TF: variants seen among roughly 807,000 people sequenced by gnomAD.
TF encodes serotransferrin.
TF carries 55 observed loss-of-function variants against 82.4 expected under a neutral mutation model. That is an observed-to-expected ratio of 0.67 (90% CI 0.54 to 0.84). The LOEUF (loss-of-function observed/expected upper bound fraction) is 0.84, where lower values mean the gene tolerates loss of function less well. Ranked by LOEUF, TF falls within the 40% of genes least tolerant of loss-of-function variation. TF has a pLI of 0.00. For missense variants in TF, 737 were observed against 868.4 expected, an observed-to-expected ratio of 0.85 and a Z score of 1.90; for synonymous variants, 332 against 332.6, an observed-to-expected ratio of 1.00 and a Z score of 0.02.
chr3:133,768,025 A>G lies in TF; in HGVS notation c.1487-4A>G, dbSNP rs748183805. ...AGCTGACTTCCTCTTGTCCTTCTGC[A>G]CAGATGAATTTTTCAGTGAAGGTTG... On this transcript the variant is annotated splice_region_variant and splice_polypyrimidine_tract_variant and intron_variant, in intron 12 of 16. Transcript: ENST00000402696. 1.2e-6 allele frequency: 2 copies of G among 1,614,110 alleles called. No individual in the cohort carries two copies. The highest frequency in any genetic ancestry group is 1.7e-6 in the Non-Finnish European group (2 of 1,179,974).
At chr3:133,688,276 A>G in the TF span, 1 of 152,948 alleles carries the variant, frequency 6.5e-6, no homozygotes, top group South Asian at 2.1e-4. Flanking sequence ...AGTTTCCGAG[A>G]CAATATGAAA....
chr3:133,725,867 G>C, the TF span, among the ~76,000 whole-genome samples: 2 of 152,122 alleles, frequency 1.3e-5, no homozygotes, highest in Non-Finnish European at 2.9e-5. Flanking sequence ...TTAGCATGAA[G>C]GGTTGTTGAA....
chr3:133,730,102 A>G, the TF span, among the ~76,000 whole-genome samples: 49 of 152,278 alleles, frequency 3.2e-4, no homozygotes, highest in African/African-American at 1.1e-3. Flanking sequence ...CAAGTTCCTC[A>G]TCTACCCAGT....
chr3:133,770,926 A>G lies in TF; in HGVS notation c.1687+354A>G, dbSNP rs1934243939. The G allele has an allele frequency of 1.5e-5, 5 of 343,372 alleles. No individual in the cohort carries two copies. In the South Asian group the frequency reaches 1.7e-4, roughly 12 times the overall value. The allele number at this position is 343,372 out of a possible 1,614,324, so 21.3% of individuals were successfully genotyped here. A position where few individuals can be genotyped will look rare whatever the true frequency, so the allele number is the denominator to read the frequency against. On this transcript the variant is annotated intron_variant, in intron 14 of 16. Transcript: ENST00000402696. The stretch of plus-strand genomic sequence containing the variant: ...GGATCTTTTACATTATGTGGATTTA[A>G]TACTCGTCACGTCCACAGTCCACAT...
intron 12 of TF, among the ~76,000 whole-genome samples, chr3:133,767,045 G>A (rs1934145602): frequency 6.6e-6 from 1 of 152,154 alleles, no homozygotes; most frequent in South Asian, 2.1e-4. Context: ...AAAGTACAAG[G>A]AGAAACAGAT....
the TF span, among the ~76,000 whole-genome samples, chr3:133,687,751 G>A: frequency 1.3e-5 from 2 of 152,182 alleles, no homozygotes; most frequent in Non-Finnish European, 2.9e-5. Flanking sequence ...ACTGCAGCAT[G>A]TAGCAGTACT....
chr3:133,705,289 A>G, the TF span, among the ~76,000 whole-genome samples: 6 of 141,828 alleles, frequency 4.2e-5, no homozygotes, highest in African/African-American at 1.5e-4. Context: ...AAAAAAAAAA[A>G]GGATAAATGA....
At chr3:133,742,993 A>G (rs1354535680), upstream of TF, among the ~76,000 whole-genome samples, 2 of 152,028 alleles carry the variant, frequency 1.3e-5, no homozygotes, top group Non-Finnish European at 2.9e-5. Flanking sequence ...TCCTCTATCA[A>G]TCTCTTTCTC....
chr3:133,748,264 T>G, intron 1 of TF, 148 bp from the exon 2 acceptor site: 1 of 1,014,206 alleles, frequency 9.9e-7, no homozygotes, highest in Non-Finnish European at 1.5e-6. Flanking sequence ...CAGAATGCAG[T>G]AGAACTTGTG....
At chr3:133,698,952 A>G in the TF span, among the ~76,000 whole-genome samples, 3 of 152,326 alleles carry the variant, frequency 2.0e-5, no homozygotes, top group East Asian at 5.8e-4. Context: ...TCTGCATCAA[A>G]GGGAATGTGG....
Position 133,781,928 on chromosome 3 carries a change from T to A in TF, c.*3308T>A, listed in dbSNP as rs1055766045. Reference sequence around the variant, plus strand: ...TATATATCTAATAAGATACAACAAATTGATAAAGAACTCATACAACTCAAT... The same window carrying A: ...TATATATCTAATAAGATACAACAAAATGATAAAGAACTCATACAACTCAAT... On this transcript the variant is annotated 3_prime_UTR_variant, in exon 17 of 17. Transcript: ENST00000402696. 8 of 152,020 alleles carry A rather than the reference T, an allele frequency of 5.3e-5. No homozygotes were observed. Among genetic ancestry groups the A allele is most frequent in the African/African-American group, 1.9e-4 (8 of 41,382 alleles). The allele number at this position is 152,020 out of a possible 1,614,324, so 9.4% of individuals were successfully genotyped here.
chr3:133,791,990 G>A lies in TF; in HGVS notation c.*13370G>A, dbSNP rs1934851112. 3 of 152,104 alleles carry A rather than the reference G, an allele frequency of 2.0e-5. No individual in the cohort carries two copies. Among genetic ancestry groups the A allele is most frequent in the African/African-American group, 7.2e-5 (3 of 41,430 alleles). The allele number at this position is 152,104 out of a possible 1,614,324, so 9.4% of individuals were successfully genotyped here. ...TTTGGGAAATAAAGACAGTTTTAAA[G>A]ATTATTGGTAAAATAAAAATATCTT... On this transcript the variant is annotated 3_prime_UTR_variant, in exon 17 of 17. Transcript: ENST00000402696.
the TF span, among the ~76,000 whole-genome samples, chr3:133,698,721 C>A: frequency 6.6e-6 from 1 of 152,172 alleles, no homozygotes; most frequent in South Asian, 2.1e-4. Flanking sequence ...TTTTCAAGGT[C>A]CCTATTTCCA....
At chr3:133,746,117 C>A, upstream of TF, 1 of 470,854 alleles carries the variant, frequency 2.1e-6, no homozygotes, top group Non-Finnish European at 3.9e-6. Context: ...GGCTCCCAGC[C>A]CGCCGTAGCC....
chr3:133,750,559 G>A (rs1248303662), intron 2 of TF, among the ~76,000 whole-genome samples: 1 of 152,114 alleles, frequency 6.6e-6, no homozygotes, highest in African/African-American at 2.4e-5. Context: ...GAGCTTGCTT[G>A]ATTATAATCC....
chr3:133,771,797 G>A (rs560020714), intron 14 of TF, among the ~76,000 whole-genome samples: 40 of 149,226 alleles, frequency 2.7e-4, no homozygotes, highest in East Asian at 5.9e-4. Flanking sequence ...GTGGGTGAAC[G>A]TTGGACAGCC....
rs1158994540 is a variant in TF at position 133,782,119 on chromosome 3, CTAT to C, written c.*3503_*3505del. 1 of 151,974 alleles carries C rather than the reference CTAT, an allele frequency of 6.6e-6. No individual in the cohort carries two copies. 9.4% of individuals were successfully genotyped at this position (151,974 alleles called of 1,614,324 possible). A position where few individuals can be genotyped will look rare whatever the true frequency, so the allele number is the denominator to read the frequency against. On this transcript the variant is annotated 3_prime_UTR_variant, in exon 17 of 17. Transcript: ENST00000402696. ...GAGACACTAGATAATAATAGGATGA[CTAT>C]TATCAAAAAGTCAAAAGATATTAAT...
At chr3:133,722,315 T>C in the TF span, among the ~76,000 whole-genome samples, 367 of 152,162 alleles carry the variant, frequency 2.4e-3, no homozygotes, top group Non-Finnish European at 4.4e-3. Context: ...TCTTTAATGG[T>C]GAGGTGAGTC....
At position 133,783,985 on chromosome 3, in the gene TF, G is replaced by A. The variant is rs1203207641; in HGVS notation, c.*5365G>A. The A allele has an allele frequency of 6.6e-6, 1 of 152,572 alleles. No individual in the cohort carries two copies. Among genetic ancestry groups the A allele is most frequent in the South Asian group, 2.1e-4 (1 of 4,840 alleles). The allele number at this position is 152,572 out of a possible 1,614,324, so 9.5% of individuals were successfully genotyped here. A position where few individuals can be genotyped will look rare whatever the true frequency, so the allele number is the denominator to read the frequency against. ...CCCAACGCCGCGGAGGCCACCAGCG[G>A]GTGCAGAGGGCCAGGAAAGCTGGTC... On this transcript the variant is annotated 3_prime_UTR_variant, in exon 17 of 17. Coordinates refer to ENST00000402696, the MANE Select transcript of TF (RefSeq NM_001063.4).
Sources: gnomAD v4.1 joint callset for allele counts (sites outside exome capture counted in the v4.1 genomes callset) on GRCh38, gnomAD v4.1.1 for gene constraint, MANE v1.5 for transcripts, NCBI Gene and HGNC (gene_info 2026-07-23, HGNC 2026-07-21) for gene names.